The following RTL4 variants were observed in gnomAD, a reference collection of about 807,000 sequenced individuals.
RTL4 encodes the protein retrotransposon Gag-like protein 4.
Under a neutral mutation model 5.3 loss-of-function variants are expected in RTL4, and 4 were observed. That is an observed-to-expected ratio of 0.75 (90% CI 0.37 to 1.72). RTL4 has a LOEUF of 1.72. Among genes scored for constraint, RTL4 ranks in the 40% most tolerant of loss-of-function variants. RTL4 has a pLI of 0.04. For missense variants in RTL4, 260 were observed against 227.1 expected, an observed-to-expected ratio of 1.14 and a Z score of -0.93; for synonymous variants, 98 against 87.3, an observed-to-expected ratio of 1.12 and a Z score of -0.68.
chrX:112,193,037 G>C, the RTL4 span, among the ~76,000 whole-genome samples: 1 of 111,746 alleles, frequency 8.9e-6, no homozygotes, highest in Middle Eastern at 4.7e-3. Context: ...ATCCTTGGTT[G>C]ACAGGTTTTT....
the RTL4 span, among the ~76,000 whole-genome samples, chrX:112,206,987 A>G: frequency 9.0e-6 from 1 of 111,531 alleles, no homozygotes; most frequent in African/African-American, 3.3e-5. Context: ...CCATCATCAA[A>G]TGCTCTCAAC....
exon 1 of RTL4, chrX:112,455,083 A>G (rs777546457): frequency 8.3e-7 from 1 of 1,211,886 alleles, no homozygotes; most frequent in Non-Finnish European, 1.1e-6. Context: ...GCCTGACAAG[A>G]GTACCTTACT....
chrX:112,411,231 A>G, the RTL4 span, among the ~76,000 whole-genome samples: 4 of 111,802 alleles, frequency 3.6e-5, no homozygotes, highest in Non-Finnish European at 7.5e-5. Context: ...CCTAGCAAAC[A>G]GAAGCCAGGG....
At chrX:112,273,737 G>A in the RTL4 span, among the ~76,000 whole-genome samples, 3 of 111,526 alleles carry the variant, frequency 2.7e-5, no homozygotes, top group African/African-American at 9.8e-5. Flanking sequence ...AAGCTGCCTT[G>A]ACTTGAATAC....
chrX:112,300,210 A>G, the RTL4 span, among the ~76,000 whole-genome samples: 1 of 111,773 alleles, frequency 8.9e-6, no homozygotes, highest in African/African-American at 3.3e-5. Flanking sequence ...TAATCACACC[A>G]TATCATCACT....
At chrX:112,415,373 T>C in the RTL4 span, among the ~76,000 whole-genome samples, 5 of 14,676 alleles carry the variant, frequency 3.4e-4, no homozygotes, top group Non-Finnish European at 0.026. Context: ...CTTTGTTGTA[T>C]ATATTACAGA....
chrX:112,099,676 A>G, the RTL4 span, among the ~76,000 whole-genome samples: 36 of 111,309 alleles, frequency 3.2e-4, no homozygotes, highest in Non-Finnish European at 7.5e-5. Context: ...AGAGCTTGGC[A>G]GTGGGGAATC....
the RTL4 span, among the ~76,000 whole-genome samples, chrX:112,446,125 G>A: frequency 8.9e-6 from 1 of 112,074 alleles, no homozygotes; most frequent in African/African-American, 3.2e-5. Context: ...TTTCAAACTT[G>A]TGGGCCAGTT....
At chrX:112,348,066 C>T in the RTL4 span, among the ~76,000 whole-genome samples, 2 of 111,407 alleles carry the variant, frequency 1.8e-5, no homozygotes, top group Admixed American at 1.9e-4. Context: ...CTAGATATAA[C>T]TTTCCTAAAT....
At chrX:112,281,150 C>T in the RTL4 span, among the ~76,000 whole-genome samples, 1 of 111,614 alleles carries the variant, frequency 9.0e-6, no homozygotes, top group Non-Finnish European at 1.9e-5. Flanking sequence ...TCTCCTGAAC[C>T]ATTCCTCCAA....
chrX:112,185,337 C>T, the RTL4 span, among the ~76,000 whole-genome samples: 1 of 103,112 alleles, frequency 9.7e-6, no homozygotes, highest in Non-Finnish European at 2.0e-5. Flanking sequence ...CCCAAATTTA[C>T]GCAGGTTAGG....
the RTL4 span, among the ~76,000 whole-genome samples, chrX:112,136,393 A>G: frequency 8.9e-6 from 1 of 111,858 alleles, no homozygotes; most frequent in African/African-American, 3.2e-5. Flanking sequence ...GTGGATATCC[A>G]TGCCTTTTTC....
At chrX:112,362,876 G>A in the RTL4 span, among the ~76,000 whole-genome samples, 45 of 110,878 alleles carry the variant, frequency 4.1e-4, no homozygotes, top group African/African-American at 1.2e-3. Flanking sequence ...AAATCAAGAT[G>A]GTTAGTTATC....
chrX:112,101,551 T>C, the RTL4 span, among the ~76,000 whole-genome samples: 1 of 111,058 alleles, frequency 9.0e-6, no homozygotes, highest in African/African-American at 3.3e-5. Context: ...GATGAATAAA[T>C]ATTAGAACCA....
chrX:112,301,651 T>C, the RTL4 span, among the ~76,000 whole-genome samples: 3 of 109,448 alleles, frequency 2.7e-5, no homozygotes, highest in African/African-American at 6.7e-5. Flanking sequence ...GAGAAGTGTA[T>C]AGAGGATGGT....
At chrX:112,222,248 TCTC>T in the RTL4 span, among the ~76,000 whole-genome samples, 1 of 111,307 alleles carries the variant, frequency 9.0e-6, no homozygotes, top group South Asian at 3.9e-4. Context: ...TCTTCAGAAA[TCTC>T]CTATCTATTT....
At chrX:112,308,581 T>C in the RTL4 span, among the ~76,000 whole-genome samples, 6 of 111,845 alleles carry the variant, frequency 5.4e-5, no homozygotes, top group African/African-American at 1.9e-4. Flanking sequence ...TTTCCTTTTT[T>C]TCTGGATACC....
the RTL4 span, among the ~76,000 whole-genome samples, chrX:112,273,347 G>A: frequency 3.7e-5 from 4 of 108,338 alleles, no homozygotes; most frequent in South Asian, 4.2e-4. Context: ...TCCGCCTCCC[G>A]GGTTCACGCC....
the RTL4 span, among the ~76,000 whole-genome samples, chrX:112,309,151 C>A: frequency 9.0e-6 from 1 of 111,508 alleles, no homozygotes; most frequent in East Asian, 2.8e-4. Context: ...GTTTAAACAA[C>A]AGGAATTTAT....
Sources: allele counts gnomAD v4.1 joint callset (sites outside exome capture counted in the v4.1 genomes callset), GRCh38; gene constraint gnomAD v4.1.1; transcripts MANE v1.5; gene names NCBI Gene and HGNC (gene_info 2026-07-23, HGNC 2026-07-21).